The following PMS1 variants were observed in gnomAD, a reference collection of about 807,000 sequenced individuals.
The protein encoded by PMS1 is PMS1 protein homolog 1.
In PMS1, 79 loss-of-function variants were observed where a neutral mutation model predicts 93.1. The observed-to-expected ratio is 0.85, with a 90% CI of 0.71 to 1.02. The LOEUF (loss-of-function observed/expected upper bound fraction) is 1.02, where lower values mean the gene tolerates loss of function less well. Ranked by LOEUF, PMS1 falls within the 50% of genes least tolerant of loss-of-function variation. The probability of loss-of-function intolerance (pLI) is 0.00; values close to 1 mark genes in which losing one functional copy is unlikely to be tolerated. For synonymous variants in PMS1, 335 were observed against 363.4 expected (o/e 0.92, Z 0.89); for missense variants, 1,064 against 1,085.3 (o/e 0.98, Z 0.28).
intron 6 of PMS1, among the ~76,000 whole-genome samples, chr2:189,847,152 G>A (rs777390804): frequency 5.9e-5 from 9 of 151,674 alleles, no homozygotes; most frequent in Non-Finnish European, 1.2e-4. Context: ...TAGATGATAT[G>A]TTTTCTTCTA....
intron 1 of PMS1, among the ~76,000 whole-genome samples, chr2:189,788,697 G>A (rs1425693816): frequency 6.6e-6 from 1 of 151,908 alleles, no homozygotes; most frequent in Non-Finnish European, 1.5e-5. Context: ...TATCCAAATA[G>A]GATAAAATCA....
intron 4 of PMS1, among the ~76,000 whole-genome samples, chr2:189,815,451 C>T (rs1396318177): frequency 6.6e-6 from 1 of 152,174 alleles, no homozygotes; most frequent in East Asian, 1.9e-4. Context: ...AGGGCAGTTT[C>T]TCCCATGCTG....
chr2:189,789,522 C>T (rs927613049), intron 1 of PMS1, among the ~76,000 whole-genome samples: 9 of 152,150 alleles, frequency 5.9e-5, no homozygotes, highest in Admixed American at 2.6e-4. Flanking sequence ...GATCAGTTAA[C>T]ACTCTCAGAA....
intron 9 of PMS1, among the ~76,000 whole-genome samples, chr2:189,855,461 A>G (rs2055216013): frequency 6.6e-6 from 1 of 151,452 alleles, no homozygotes. Flanking sequence ...TTTATGTTTA[A>G]TAACTTTTCT....
intron 8 of PMS1, 73 bp downstream of exon 8, chr2:189,854,155 G>T (rs1191748170): frequency 2.2e-6 from 3 of 1,369,258 alleles, no homozygotes; most frequent in South Asian, 1.4e-5. Context: ...AAAAAGATTT[G>T]TTTATATTTA....
intron 5 of PMS1, among the ~76,000 whole-genome samples, chr2:189,834,136 T>A (rs1482686558): frequency 6.6e-6 from 1 of 152,188 alleles, no homozygotes; most frequent in Non-Finnish European, 1.5e-5. Context: ...TAGAGGTTAA[T>A]TGCTATTGTT....
At position 189,862,684 on chromosome 2, in the gene PMS1, G is replaced by C. The variant is rs986964135; in HGVS notation, c.1857-1059G>C. Among the ~76,000 whole-genome samples the C allele has an allele frequency of 2.6e-5, 4 of 152,288 alleles. No individual in the cohort carries two copies. The South Asian group carries it at 8.3e-4, about 32-fold the overall frequency. ...TTGTAGAGGTTTTGTTTTATATTTT[G>C]TTAGGGAGAAGCTGTTTCAATTTTG... is the stretch of plus-strand genomic sequence containing the variant. On this transcript the variant is annotated intron_variant, in intron 9 of 12. Transcript: ENST00000441310.
chr2:189,864,161 A>G lies in PMS1; in HGVS notation c.2275A>G (p.Lys759Glu). 6.2e-7 allele frequency: 1 copy of G among 1,610,114 alleles called. No homozygotes were observed. The highest frequency in any genetic ancestry group is 8.5e-7 in the Non-Finnish European group (1 of 1,176,694). ...TAGAGTAGAAGAAGCCCTGCTATTT[A>G]AAAGACTTCTTGAGAATCATAAACT... Reference protein sequence around the residue: ...PYRVEEALLFKRLLENHKLPA... With the variant: ...PYRVEEALLFERLLENHKLPA... Residue 759 changes from lysine (K) to glutamate (E), a missense_variant, in exon 10 of 13, where the codon AAA (lysine) becomes GAA (glutamate). By Grantham distance (56) the Lys-to-Glu change is moderately conservative (BLOSUM62 1). Transcript: ENST00000441310.
intron 5 of PMS1, among the ~76,000 whole-genome samples, chr2:189,830,246 G>A (rs1033929110): frequency 7.2e-5 from 11 of 152,144 alleles, no homozygotes; most frequent in African/African-American, 2.4e-4. Context: ...GCTGACCTCC[G>A]TAGATCTGAT....
intron 1 of PMS1, chr2:189,785,576 A>T (rs1050666655): frequency 1.3e-5 from 2 of 152,272 alleles, no homozygotes; most frequent in Non-Finnish European, 2.9e-5. Flanking sequence ...CCCTGTCCTC[A>T]AAGAACTCTG....
chr2:189,818,132 CT>C lies in PMS1; in HGVS notation c.537del (p.Phe179LeufsTer8). ...IKKIQDLLMS[F>X]GILKPDLRIV... ...AAAAGATCCAAGATCTCCTCATGAG[CT>C]TTGGTATCCTTAAACCTGACTTAAG... On this transcript the variant is annotated frameshift_variant, in exon 5 of 13. Transcript: ENST00000441310. LOFTEE classifies it high-confidence loss of function. 1 of 1,608,106 alleles carries C rather than the reference CT, an allele frequency of 6.2e-7. No homozygotes were observed. The highest frequency in any genetic ancestry group is 8.5e-7 in the Non-Finnish European group (1 of 1,175,050).
chr2:189,844,168 G>A (rs375129390), intron 6 of PMS1, 88 bp downstream of exon 6: 3 of 1,594,388 alleles, frequency 1.9e-6, no homozygotes, highest in Non-Finnish European at 2.6e-6. Flanking sequence ...AGTGGCAAGA[G>A]GTTAGTCTTT....
At chr2:189,865,453 A>G (rs541141488) in intron 10 of PMS1, among the ~76,000 whole-genome samples, 1 of 152,280 alleles carries the variant, frequency 6.6e-6, no homozygotes, top group East Asian at 1.9e-4. Flanking sequence ...GGTTGGCTAT[A>G]TGCTTCATAT....
At chr2:189,857,081 ATTG>A (rs1265152588) in intron 9 of PMS1, among the ~76,000 whole-genome samples, 1 of 152,030 alleles carries the variant, frequency 6.6e-6, no homozygotes, top group East Asian at 1.9e-4. Context: ...TCTCTCATGG[ATTG>A]TTGTGAGGAT....
At chr2:189,875,719 G>A (rs2057502516) in intron 12 of PMS1, among the ~76,000 whole-genome samples, 1 of 152,098 alleles carries the variant, frequency 6.6e-6, no homozygotes, top group South Asian at 2.1e-4. Flanking sequence ...TTGGGAGGCT[G>A]AGGTGAGTGA....
chr2:189,859,905 A>G (rs2106486550), intron 9 of PMS1, among the ~76,000 whole-genome samples: 1 of 152,304 alleles, frequency 6.6e-6, no homozygotes, highest in African/African-American at 2.4e-5. Flanking sequence ...CAGTTACCAA[A>G]TGAAGTATTA....
intron 1 of PMS1, among the ~76,000 whole-genome samples, chr2:189,787,949 A>G (rs538715825): frequency 6.6e-6 from 1 of 152,276 alleles, no homozygotes; most frequent in South Asian, 2.1e-4. Context: ...TTAAGACCAG[A>G]GGATGCAATG....
chr2:189,795,986 A>G (rs2106234239), intron 3 of PMS1, 35 bp downstream of exon 3: 2 of 1,326,438 alleles, frequency 1.5e-6, no homozygotes, highest in Non-Finnish European at 2.2e-6. Flanking sequence ...TAGTGATTTC[A>G]TATTCACTGA....
chr2:189,877,324 A>G lies in PMS1; in HGVS notation c.2687A>G (p.Asp896Gly). The G allele has an allele frequency of 6.2e-7, 1 of 1,613,108 alleles. No homozygotes were observed. The highest frequency in any genetic ancestry group is 8.5e-7 in the Non-Finnish European group (1 of 1,179,038). ...TTACCCATGTACTTATCAAAAGAGGACATCCAAGACATTATCTACAGAATG... is the reference window on the plus strand; with the variant it reads ...TTACCCATGTACTTATCAAAAGAGGGCATCCAAGACATTATCTACAGAATG... ...RQLPMYLSKE[D>G]IQDIIYRMKH... The change falls in exon 13 of 13, where the codon GAC (aspartate) becomes GGC (glycine). Residue 896 changes from aspartate (D) to glycine (G), a missense_variant. Transcript: ENST00000441310.
Sources: allele counts gnomAD v4.1 joint callset (sites outside exome capture counted in the v4.1 genomes callset), GRCh38; gene constraint gnomAD v4.1.1; transcripts MANE v1.5; gene names NCBI Gene and HGNC (gene_info 2026-07-23, HGNC 2026-07-21).